Variants in ASXL3 observed in about 807,000 individuals in gnomAD.
The protein encoded by ASXL3 is ASXL transcriptional regulator 3.
A neutral mutation model predicts 170.6 loss-of-function variants in ASXL3; 34 were observed. The ratio of observed to expected loss-of-function variants is 0.20; its 90% CI spans 0.15 to 0.27. ASXL3 has a LOEUF of 0.27. ASXL3 is among the 10% of genes least tolerant of loss of function. The probability of loss-of-function intolerance (pLI) is 1.00; values close to 1 mark genes in which losing one functional copy is unlikely to be tolerated. For missense variants in ASXL3, 2,592 were observed against 2,695.3 expected (o/e 0.96, Z 0.85); for synonymous variants, 1,002 against 989.1 (o/e 1.01, Z -0.24).
chr18:33,697,027 A>G (rs2066784439), intron 8 of ASXL3, among the ~76,000 whole-genome samples: 1 of 152,152 alleles, frequency 6.6e-6, no homozygotes, highest in South Asian at 2.1e-4. Flanking sequence ...GATGGAAACC[A>G]TCTCAATATC....
chr18:33,610,219 A>G (rs967211278), intron 2 of ASXL3, among the ~76,000 whole-genome samples: 1 of 152,084 alleles, frequency 6.6e-6, no homozygotes, highest in Admixed American at 6.6e-5. Flanking sequence ...TTTCTTAAGT[A>G]AAGTTTAGAA....
At chr18:33,685,398 G>A (rs2066577999) in intron 8 of ASXL3, among the ~76,000 whole-genome samples, 1 of 152,162 alleles carries the variant, frequency 6.6e-6, no homozygotes, top group South Asian at 2.1e-4. Flanking sequence ...AGCCACTGAT[G>A]ATTCTTCCGT....
intron 2 of ASXL3, among the ~76,000 whole-genome samples, chr18:33,642,103 G>T (rs754823117): frequency 6.6e-5 from 10 of 151,702 alleles, no homozygotes; most frequent in Non-Finnish European, 1.3e-4. Context: ...ATATATATAT[G>T]TGTATATACA....
chr18:33,601,554 A>G (rs1312546801), intron 1 of ASXL3, among the ~76,000 whole-genome samples: 1 of 151,800 alleles, frequency 6.6e-6, no homozygotes, highest in East Asian at 1.9e-4. Flanking sequence ...GACTGAAAAC[A>G]TTCCCCCAAA....
Position 33,578,501 on chromosome 18 carries a change from C to A in ASXL3, c.-131C>A. 2.6e-6 allele frequency: 1 copy of A among 388,790 alleles called. No individual in the cohort carries two copies. Among genetic ancestry groups the A allele is most frequent in the Non-Finnish European group, 3.7e-6 (1 of 267,348 alleles). The allele number at this position is 388,790 out of a possible 1,614,324, so 24.1% of individuals were successfully genotyped here. A position where few individuals can be genotyped will look rare whatever the true frequency, so the allele number is the denominator to read the frequency against. On this transcript the variant is annotated 5_prime_UTR_variant, in exon 1 of 12. Transcript: ENST00000269197. ...GCCGCCGCCGCCGCCGCCGCCGCCACCGCCCGCGCGCCTCCCCCCGCGGAG... is the reference window on the plus strand; with the variant it reads ...GCCGCCGCCGCCGCCGCCGCCGCCAACGCCCGCGCGCCTCCCCCCGCGGAG...
At chr18:33,615,757 T>C (rs915110791) in intron 2 of ASXL3, among the ~76,000 whole-genome samples, 2 of 152,170 alleles carry the variant, frequency 1.3e-5, no homozygotes, top group Admixed American at 1.3e-4. Flanking sequence ...AATATGGTGC[T>C]TTTTCTAGTT....
intron 1 of ASXL3, among the ~76,000 whole-genome samples, chr18:33,603,714 T>C (rs1471723892): frequency 6.6e-6 from 1 of 152,010 alleles, no homozygotes; most frequent in African/African-American, 2.4e-5. Context: ...AAACCTTTCA[T>C]GGAGTAGAAG....
At chr18:33,613,237 T>C (rs1009073075) in intron 2 of ASXL3, among the ~76,000 whole-genome samples, 6 of 152,130 alleles carry the variant, frequency 3.9e-5, no homozygotes, top group African/African-American at 1.4e-4. Context: ...GTTAGTTTTA[T>C]CTTCCTAAAC....
chr18:33,695,538 A>T (rs2066759119), intron 8 of ASXL3, among the ~76,000 whole-genome samples: 3 of 152,130 alleles, frequency 2.0e-5, no homozygotes, highest in Admixed American at 2.0e-4. Context: ...TAGCTAACTG[A>T]TATTTAACGT....
At position 33,748,745 on chromosome 18, in the gene ASXL3, TTCCA is replaced by T. The variant is rs1249991096; in HGVS notation, c.*2151_*2154del. Reference sequence around the variant, plus strand: ...ATATAGACACTTGCATGCCAACTCCTTCCAAATTCATTCACTGCTATACCAGTGT... The same window carrying T: ...ATATAGACACTTGCATGCCAACTCCTAATTCATTCACTGCTATACCAGTGT... On this transcript the variant is annotated 3_prime_UTR_variant, in exon 12 of 12. Coordinates refer to ENST00000269197, the MANE Select transcript of ASXL3 (RefSeq NM_030632.3). The T allele has an allele frequency of 6.6e-6, 1 of 152,204 alleles. No homozygotes were observed. The highest frequency in any genetic ancestry group is 1.5e-5 in the Non-Finnish European group (1 of 68,042). The allele number at this position is 152,204 out of a possible 1,614,324, so 9.4% of individuals were successfully genotyped here.
intron 8 of ASXL3, among the ~76,000 whole-genome samples, chr18:33,700,444 C>T (rs2066851665): frequency 6.7e-6 from 1 of 149,568 alleles, no homozygotes; most frequent in East Asian, 1.9e-4. Flanking sequence ...CTGATCACCA[C>T]AGGTTCATTT....
At chr18:33,734,025 A>G (rs1343867143) in intron 9 of ASXL3, among the ~76,000 whole-genome samples, 2 of 82,840 alleles carry the variant, frequency 2.4e-5, no homozygotes, top group African/African-American at 1.4e-4. Context: ...AGCCCCTAGC[A>G]GGTAATACAT....
At chr18:33,622,186 G>A (rs2065525398) in intron 2 of ASXL3, among the ~76,000 whole-genome samples, 1 of 152,044 alleles carries the variant, frequency 6.6e-6, no homozygotes. Flanking sequence ...TTATTTTACT[G>A]ATTAAAAGCA....
intron 5 of ASXL3, among the ~76,000 whole-genome samples, chr18:33,664,135 A>G (rs1275710505): frequency 6.6e-6 from 1 of 152,170 alleles, no homozygotes; most frequent in African/African-American, 2.4e-5. Flanking sequence ...TTTAATTCTC[A>G]TGCAAATGCT....
At chr18:33,640,692 A>G (rs1041651631) in intron 2 of ASXL3, among the ~76,000 whole-genome samples, 1 of 152,128 alleles carries the variant, frequency 6.6e-6, no homozygotes, top group Admixed American at 6.6e-5. Flanking sequence ...TACTCTTAAA[A>G]TATATTCTTT....
rs574575278 is a variant in ASXL3 at position 33,744,577 on chromosome 18, C to G, written c.4729C>G (p.His1577Asp). 2 of 1,611,124 alleles carry G rather than the reference C, an allele frequency of 1.2e-6. No homozygotes were observed. Among genetic ancestry groups the G allele is most frequent in the Non-Finnish European group, 8.5e-7 (1 of 1,178,920 alleles). The part of the protein sequence containing the change: ...DKLNEPTAPS[H>D]NFAEQARGPA... ...ATTAAATGAGCCGACTGCTCCCAGT[C>G]ATAACTTTGCTGAGCAGGCACGTGG... Residue 1577 changes from histidine to aspartate, a missense_variant, in exon 12 of 12, where the codon CAT becomes GAT. Transcript: ENST00000269197.
Position 33,748,063 on chromosome 18 carries a change from G to A in ASXL3, c.*1468G>A, listed in dbSNP as rs1397827291. The A allele has an allele frequency of 2.6e-5, 4 of 152,054 alleles. No individual in the cohort carries two copies. The highest frequency in any genetic ancestry group is 1.9e-4 in the East Asian group (1 of 5,152). 9.4% of individuals were successfully genotyped at this position (152,054 alleles called of 1,614,324 possible). A position where few individuals can be genotyped will look rare whatever the true frequency, so the allele number is the denominator to read the frequency against. On this transcript the variant is annotated 3_prime_UTR_variant, in exon 12 of 12. Coordinates refer to ENST00000269197, the MANE Select transcript of ASXL3 (RefSeq NM_030632.3). ...AACTTCAGATTACAGAGCACAAAAT[G>A]TGGAGTGCCATTAACCCATTGATTG...
intron 7 of ASXL3, among the ~76,000 whole-genome samples, chr18:33,677,280 CCCA>C (rs1307218380): frequency 2.0e-5 from 3 of 151,888 alleles, no homozygotes; most frequent in Admixed American, 1.3e-4. Context: ...GAATAATAAC[CCCA>C]CATCTTTTCA....
intron 8 of ASXL3, among the ~76,000 whole-genome samples, chr18:33,702,214 A>G (rs915888731): frequency 1.3e-5 from 2 of 152,190 alleles, no homozygotes; most frequent in African/African-American, 4.8e-5. Context: ...AGCATTTCAT[A>G]GAAGATTTTC....
Sources: allele counts gnomAD v4.1 joint callset (sites outside exome capture counted in the v4.1 genomes callset), GRCh38; gene constraint gnomAD v4.1.1; transcripts MANE v1.5; gene names NCBI Gene and HGNC (gene_info 2026-07-23, HGNC 2026-07-21).